HOMER1: variants seen among roughly 807,000 people sequenced by gnomAD.
HOMER1 encodes homer protein homolog 1.
Under a neutral mutation model 48.9 loss-of-function variants are expected in HOMER1, and 3 were observed. That is an observed-to-expected ratio of 0.06 (90% CI 0.03 to 0.16). The LOEUF (loss-of-function observed/expected upper bound fraction) is 0.16, where lower values mean the gene tolerates loss of function less well. HOMER1 is among the 10% of genes least tolerant of loss of function. HOMER1 has a pLI of 1.00. For synonymous variants in HOMER1, 134 were observed against 146.4 expected (o/e 0.92, Z 0.61); for missense variants, 247 against 411.4 (o/e 0.60, Z 3.46).
At chr5:79,411,435 A>C (rs773192053) in intron 5 of HOMER1, among the ~76,000 whole-genome samples, 31 of 152,158 alleles carry the variant, frequency 2.0e-4, no homozygotes, top group Non-Finnish European at 3.2e-4. Flanking sequence ...CAGTGAGTCA[A>C]GATGGCACCA....
Position 79,447,905 on chromosome 5 carries a change from T to G in HOMER1, c.295-760A>C, listed in dbSNP as rs534820280. 3.9e-5 allele frequency among the ~76,000 whole-genome samples: 6 copies of G among 152,286 alleles called. No homozygotes were observed. The East Asian group carries it at 9.6e-4, about 24-fold the overall frequency. ...AAGTTAAGACTACATAATAACTACA[T>G]GTAAAAACCCCAAATCCCTATGCAA... On this transcript the variant is annotated intron_variant, in intron 3 of 8. Transcript: ENST00000334082.
intron 8 of HOMER1, among the ~76,000 whole-genome samples, chr5:79,386,947 T>C (rs80052631): frequency 4.5e-5 from 3 of 67,362 alleles, no homozygotes; most frequent in African/African-American, 1.3e-4. Context: ...CCTTCCTTCC[T>C]TTCCTTTCTT....
Position 79,439,083 on chromosome 5 carries a change from T to C in HOMER1, c.454A>G (p.Arg152Gly), listed in dbSNP as rs1750672350. Residue 152 changes from arginine (R) to glycine (G), a missense_variant, in exon 5 of 9, where the codon AGA becomes GGA. Arg to Gly is a moderately radical substitution (Grantham distance 125, BLOSUM62 -2). Around this residue, in one of 4 missense-constraint regions of HOMER1, gnomAD observed 94 missense variants for 112.4 expected, o/e 0.84. Coordinates refer to ENST00000334082, the MANE Select transcript of HOMER1 (RefSeq NM_004272.5). ...GAGTTCTGTGTCACATCAGGTGTTC[T>C]TTCATCATCTGTCCCGTTGATACTT... ...PESINGTDDERTPDVTQNSEP... is the reference protein window; with the variant it reads ...PESINGTDDEGTPDVTQNSEP... 6.2e-7 allele frequency: 1 copy of C among 1,613,902 alleles called. No individual in the cohort carries two copies. Among genetic ancestry groups the C allele is most frequent in the Non-Finnish European group, 8.5e-7 (1 of 1,179,788 alleles).
chr5:79,420,254 C>A (rs1387920499), intron 5 of HOMER1, among the ~76,000 whole-genome samples: 5 of 152,074 alleles, frequency 3.3e-5, no homozygotes, highest in African/African-American at 1.2e-4. Context: ...AAATAGTGAA[C>A]AATTCTCTCA....
chr5:79,486,830 T>C (rs1242161310), intron 1 of HOMER1, among the ~76,000 whole-genome samples: 1 of 152,220 alleles, frequency 6.6e-6, no homozygotes, highest in Non-Finnish European at 1.5e-5. Context: ...TGGAACACTA[T>C]TGAGTTTTAA....
At chr5:79,492,984 T>C (rs547332279) in intron 1 of HOMER1, among the ~76,000 whole-genome samples, 11 of 142,970 alleles carry the variant, frequency 7.7e-5, no homozygotes, top group Non-Finnish European at 1.7e-4. Context: ...AGTGGCACGA[T>C]CGTGGCTCAA....
intron 8 of HOMER1, among the ~76,000 whole-genome samples, chr5:79,392,699 A>G (rs1409380808): frequency 6.6e-6 from 1 of 152,172 alleles, no homozygotes; most frequent in African/African-American, 2.4e-5. Context: ...GTATGGTAAT[A>G]TCTTAGGTCT....
intron 8 of HOMER1, among the ~76,000 whole-genome samples, chr5:79,395,903 G>A (rs955303431): frequency 6.6e-6 from 1 of 152,116 alleles, no homozygotes. Flanking sequence ...AATAAATGTT[G>A]GCTGTTCTTA....
chr5:79,489,102 G>A (rs371842026), intron 1 of HOMER1, among the ~76,000 whole-genome samples: 1 of 152,126 alleles, frequency 6.6e-6, no homozygotes, highest in Non-Finnish European at 1.5e-5. Context: ...CTCAAAGACA[G>A]TTCATCTAAA....
chr5:79,417,546 A>C (rs1056309980), intron 5 of HOMER1, among the ~76,000 whole-genome samples: 1 of 152,272 alleles, frequency 6.6e-6, no homozygotes, highest in African/African-American at 2.4e-5. Context: ...TCAGGAAATC[A>C]GTCTTACATA....
intron 5 of HOMER1, among the ~76,000 whole-genome samples, chr5:79,414,906 G>C (rs923299713): frequency 6.6e-6 from 1 of 152,158 alleles, no homozygotes; most frequent in African/African-American, 2.4e-5. Context: ...GTTGACTGAT[G>C]AAGTTTTACA....
intron 8 of HOMER1, among the ~76,000 whole-genome samples, chr5:79,392,564 A>T (rs954732566): frequency 2.6e-5 from 4 of 152,242 alleles, no homozygotes; most frequent in East Asian, 3.8e-4. Context: ...AGTTAAAAAA[A>T]TTTTAAATGT....
rs928428141 is a variant in HOMER1, at chr5:79,375,505, T to C, written c.*504A>G. ...ACTCCTGGCAAGAATTAATTGGTAA[T>C]GGCACTGCTTCTCAGCAGTGCAAAA... On this transcript the variant is annotated 3_prime_UTR_variant, in exon 9 of 9. Coordinates refer to ENST00000334082, the MANE Select transcript of HOMER1 (RefSeq NM_004272.5). The C allele has an allele frequency of 1.3e-5, 2 of 152,136 alleles. No individual in the cohort carries two copies. The highest frequency in any genetic ancestry group is 6.5e-5 in the Admixed American group (1 of 15,276). The allele number at this position is 152,136 out of a possible 1,614,324, so 9.4% of individuals were successfully genotyped here.
intron 5 of HOMER1, among the ~76,000 whole-genome samples, chr5:79,429,735 A>T (rs1208528449): frequency 1.3e-5 from 2 of 152,184 alleles, no homozygotes; most frequent in Non-Finnish European, 2.9e-5. Context: ...TAAAAATTTA[A>T]AACATTGGCT....
chr5:79,450,352 T>C (rs1750996884), intron 3 of HOMER1, among the ~76,000 whole-genome samples: 3 of 152,244 alleles, frequency 2.0e-5, no homozygotes, highest in Admixed American at 2.0e-4. Flanking sequence ...CCCAAGGTGC[T>C]GCTGGTATAA....
chr5:79,395,036 G>A (rs1749346358), intron 8 of HOMER1, among the ~76,000 whole-genome samples: 1 of 152,160 alleles, frequency 6.6e-6, no homozygotes, highest in African/African-American at 2.4e-5. Flanking sequence ...GTGTGGTAAT[G>A]CAGAAAGAAC....
At chr5:79,382,850 A>C (rs1480453892) in intron 8 of HOMER1, among the ~76,000 whole-genome samples, 1 of 152,238 alleles carries the variant, frequency 6.6e-6, no homozygotes, top group African/African-American at 2.4e-5. Context: ...ACCAGAAAGC[A>C]ATTAGCAATG....
chr5:79,394,588 C>T (rs1157773141), intron 8 of HOMER1, among the ~76,000 whole-genome samples: 1 of 152,140 alleles, frequency 6.6e-6, no homozygotes. Context: ...TTCATTCATA[C>T]ATTTATTGAG....
intron 7 of HOMER1, 101 bp downstream of exon 7, chr5:79,397,426 C>T (rs1749416635): frequency 1.3e-6 from 1 of 777,006 alleles, no homozygotes; most frequent in Non-Finnish European, 2.1e-6. Context: ...GAGGTCACAA[C>T]CTGACTTTAT....
Sources: gnomAD v4.1 joint callset for allele counts (sites outside exome capture counted in the v4.1 genomes callset) on GRCh38, gnomAD v4.1.1 for gene constraint, gnomAD v4.1.1 regional missense constraint, MANE v1.5 for transcripts, NCBI Gene and HGNC (gene_info 2026-07-23, HGNC 2026-07-21) for gene names.